The following VPS13B variants were observed in gnomAD, a reference collection of about 807,000 sequenced individuals.
VPS13B encodes intermembrane lipid transfer protein VPS13B.
A neutral mutation model predicts 426.4 loss-of-function variants in VPS13B; 285 were observed. That is an observed-to-expected ratio of 0.67 (90% CI 0.61 to 0.74). The LOEUF (loss-of-function observed/expected upper bound fraction) is 0.74. Among genes scored for constraint, VPS13B ranks in the 30% least tolerant of loss-of-function variants. The pLI is 0.00. For missense variants in VPS13B, 4,537 were observed against 4,782.6 expected, an observed-to-expected ratio of 0.95 and a Z score of 1.51; for synonymous variants, 1,676 against 1,676.4, an observed-to-expected ratio of 1.00 and a Z score of 0.01.
intron 21 of VPS13B, among the ~76,000 whole-genome samples, chr8:99,414,749 A>T: frequency 6.6e-6 from 1 of 152,106 alleles, no homozygotes; most frequent in Non-Finnish European, 1.5e-5. Context: ...ATTGGCCCCC[A>T]TTCTCTTCTG....
intron 42 of VPS13B, among the ~76,000 whole-genome samples, chr8:99,780,990 A>G (rs1346855305): frequency 6.6e-6 from 1 of 152,168 alleles, no homozygotes; most frequent in Non-Finnish European, 1.5e-5. Flanking sequence ...CCAGTGAAAA[A>G]TATGAATTTA....
chr8:99,406,768 A>G (rs1815355659), intron 21 of VPS13B, among the ~76,000 whole-genome samples: 1 of 152,206 alleles, frequency 6.6e-6, no homozygotes, highest in African/African-American at 2.4e-5. Flanking sequence ...ATCTGGAGAG[A>G]GAAAAGTAAC....
chr8:99,698,412 A>G (rs1832122940), intron 35 of VPS13B, among the ~76,000 whole-genome samples: 1 of 152,186 alleles, frequency 6.6e-6, no homozygotes, highest in Non-Finnish European at 1.5e-5. Context: ...GCCCACCCTC[A>G]GAGGTTCATG....
chr8:99,017,739 C>T (rs562351662), intron 2 of VPS13B, among the ~76,000 whole-genome samples: 3 of 152,136 alleles, frequency 2.0e-5, no homozygotes, highest in East Asian at 1.9e-4. Context: ...GTGATCCACC[C>T]GCCTTGGCCT....
chr8:99,273,026 A>G (rs1391284830), intron 17 of VPS13B, among the ~76,000 whole-genome samples: 5 of 152,162 alleles, frequency 3.3e-5, no homozygotes, highest in Admixed American at 3.3e-4. Context: ...ATATTCCAAA[A>G]TTCAGCAAAA....
Position 99,029,338 on chromosome 8 carries a change from G to A in VPS13B, c.148-9085G>A, listed in dbSNP as rs542536442. ...GCTCCTCACATCCCAGACGATGGGC[G>A]GCCAGGCAGAGACGCTCCTCACTTC... is the stretch of plus-strand genomic sequence containing the variant. On this transcript the variant is annotated intron_variant, in intron 2 of 61. Coordinates refer to ENST00000357162, the MANE Select transcript of VPS13B (RefSeq NM_152564.5). Among the ~76,000 whole-genome samples, 5 of 151,682 alleles carry A rather than the reference G, an allele frequency of 3.3e-5. No individual in the cohort carries two copies. The East Asian group carries it at 9.8e-4, about 30-fold the overall frequency.
chr8:99,578,369 G>A (rs1825872549), intron 33 of VPS13B, among the ~76,000 whole-genome samples: 1 of 152,124 alleles, frequency 6.6e-6, no homozygotes, highest in Admixed American at 6.5e-5. Flanking sequence ...TAGTAAGAAG[G>A]TAGGAAATGA....
chr8:99,307,275 C>T (rs1020721763), intron 19 of VPS13B, among the ~76,000 whole-genome samples: 62 of 152,092 alleles, frequency 4.1e-4, no homozygotes, highest in African/African-American at 1.4e-3. Context: ...GTTTCCTTTT[C>T]CTTTTCAATT....
chr8:99,188,467 T>C (rs1157819461), intron 16 of VPS13B, among the ~76,000 whole-genome samples: 1 of 152,220 alleles, frequency 6.6e-6, no homozygotes, highest in Non-Finnish European at 1.5e-5. Flanking sequence ...ACATTTTGTT[T>C]ATTCATCAGT....
intron 34 of VPS13B, among the ~76,000 whole-genome samples, chr8:99,651,172 G>GAAATATCTTTGAGATACTTCCCAGGAA (rs1417903473): frequency 6.6e-6 from 1 of 151,998 alleles, no homozygotes; most frequent in Non-Finnish European, 1.5e-5. Context: ...TACTTCCCAG[G>GAAATATCTTTGAGATACTTCCCAGGAA]ATAAATAAGT....
chr8:99,447,876 T>C (rs1360638123), intron 23 of VPS13B, among the ~76,000 whole-genome samples: 4 of 151,992 alleles, frequency 2.6e-5, no homozygotes, highest in East Asian at 3.9e-4. Flanking sequence ...TTATACTCTG[T>C]CTTTTCAAAT....
chr8:99,478,611 C>G (rs2133548700), intron 24 of VPS13B, among the ~76,000 whole-genome samples: 1 of 151,546 alleles, frequency 6.6e-6, no homozygotes, highest in African/African-American at 2.4e-5. Context: ...CCACACCCGG[C>G]TAATTTTTTG....
At chr8:99,833,710 AAAAC>A (rs1231540491) in intron 52 of VPS13B, among the ~76,000 whole-genome samples, 16 of 152,232 alleles carry the variant, frequency 1.1e-4, no homozygotes, top group East Asian at 5.8e-4. Flanking sequence ...CATTTTTTAA[AAAAC>A]AAAATTTGAA....
rs529637215 is a variant in VPS13B, at chr8:99,554,040, T to A, written c.4746-2410T>A. ...GCTTAATTTAAGTCCAAAAAAAAAA[T>A]GGGAAATTTCAAGCCTAAAAGCAAT... is the stretch of plus-strand genomic sequence containing the variant. On this transcript the variant is annotated intron_variant, in intron 30 of 61. Transcript: ENST00000357162. Among the ~76,000 whole-genome samples the A allele has an allele frequency of 6.4e-3, 968 of 151,514 alleles. 7 individuals carry two copies. The highest frequency in any genetic ancestry group is 0.022 in the African/African-American group (891 of 41,344).
At chr8:99,835,360 A>T (rs755326158) in intron 53 of VPS13B, 36 bp downstream of exon 53, 1 of 1,593,542 alleles carries the variant, frequency 6.3e-7, no homozygotes, top group East Asian at 2.2e-5. Context: ...ATAATACTAA[A>T]TGTGTATTTT....
At chr8:99,203,962 C>G (rs777281231) in intron 17 of VPS13B, among the ~76,000 whole-genome samples, 62 of 152,094 alleles carry the variant, frequency 4.1e-4, no homozygotes, top group Non-Finnish European at 6.6e-4. Flanking sequence ...TCAGTATATC[C>G]CCATCAAGCT....
chr8:99,473,217 T>C (rs1230605173), intron 24 of VPS13B, among the ~76,000 whole-genome samples: 1 of 152,004 alleles, frequency 6.6e-6, no homozygotes. Flanking sequence ...GGAAACTAGG[T>C]ATTAATATCC....
intron 33 of VPS13B, among the ~76,000 whole-genome samples, chr8:99,616,747 C>T (rs889867893): frequency 3.3e-5 from 5 of 152,220 alleles, no homozygotes; most frequent in African/African-American, 9.6e-5. Context: ...ATCACTTGAA[C>T]CCGGGAGGCC....
chr8:99,847,045 T>C (rs1001511908), intron 54 of VPS13B, among the ~76,000 whole-genome samples: 34 of 152,220 alleles, frequency 2.2e-4, no homozygotes, highest in Non-Finnish European at 2.9e-5. Context: ...ATGGTGTTTA[T>C]AGATAGGAAT....
Sources: allele counts gnomAD v4.1 joint callset (sites outside exome capture counted in the v4.1 genomes callset), GRCh38; gene constraint gnomAD v4.1.1; transcripts MANE v1.5; gene names NCBI Gene and HGNC (gene_info 2026-07-23, HGNC 2026-07-21).